The following SHISA9 variants were observed in gnomAD, a reference collection of about 807,000 sequenced individuals.
SHISA9 encodes shisa family member 9, also known as protein shisa-9.
Under a neutral mutation model 38.0 loss-of-function variants are expected in SHISA9, and 13 were observed. That is an observed-to-expected ratio of 0.34 (90% CI 0.22 to 0.54). SHISA9 has a LOEUF of 0.54. Ranked by LOEUF, SHISA9 falls within the 20% of genes least tolerant of loss-of-function variation. The pLI, the probability that SHISA9 is intolerant of heterozygous loss-of-function variation, is 0.91. For synonymous variants in SHISA9, 275 were observed against 242.0 expected (o/e 1.14, Z -1.27); for missense variants, 538 against 575.8 (o/e 0.93, Z 0.67).
Position 13,202,548 on chromosome 16 carries a change from C to T in SHISA9, c.692-846C>T, listed in dbSNP as rs561138077. 4.3e-5 allele frequency among the ~76,000 whole-genome samples: 6 copies of T among 139,956 alleles called. No homozygotes were observed. In the South Asian group the frequency reaches 1.3e-3, roughly 31 times the overall value. 91.8% of individuals were successfully genotyped at this position (139,956 alleles called of 152,430 possible). A position where few individuals can be genotyped will look rare whatever the true frequency, so the allele number is the denominator to read the frequency against. On this transcript the variant is annotated intron_variant, in intron 2 of 4. Transcript: ENST00000558583. ...ATATTACTTAACAAAAAATGCTATA[C>T]TATTTGCTTTCCTTTAAAGCTTCCT... is the stretch of plus-strand genomic sequence containing the variant.
At chr16:13,325,519 T>G in the SHISA9 span, among the ~76,000 whole-genome samples, 1 of 152,158 alleles carries the variant, frequency 6.6e-6, no homozygotes, top group Non-Finnish European at 1.5e-5. Context: ...AATATTATTT[T>G]GGGGTTAGAG....
chr16:13,367,653 C>T, the SHISA9 span, among the ~76,000 whole-genome samples: 11 of 143,422 alleles, frequency 7.7e-5, no homozygotes, highest in Non-Finnish European at 1.4e-4. Flanking sequence ...AAGTAGGATG[C>T]GGGGGGGAAT....
In SHISA9 at chr16:13,022,749, A is replaced by C. The variant is rs185218855; in HGVS notation, c.691+105934A>C. Reference sequence around the variant, plus strand: ...CCCGAGTAGCAGGGCCTACAGGTGCACACCACCACACCCAGCTAATTATTT... The same window carrying C: ...CCCGAGTAGCAGGGCCTACAGGTGCCCACCACCACACCCAGCTAATTATTT... On this transcript the variant is annotated intron_variant, in intron 2 of 4. Coordinates refer to ENST00000558583, the MANE Select transcript of SHISA9 (RefSeq NM_001145204.3). Among the ~76,000 whole-genome samples, 365 of 152,044 alleles carry C rather than the reference A, an allele frequency of 2.4e-3. 5 individuals are homozygous for C. Among genetic ancestry groups the C allele is most frequent in the Admixed American group, 0.019 (295 of 15,276 alleles).
At chr16:12,970,267 G>A (rs1478917901) in intron 2 of SHISA9, among the ~76,000 whole-genome samples, 2 of 140,758 alleles carry the variant, frequency 1.4e-5, no homozygotes, top group African/African-American at 5.3e-5. Context: ...TGGAAAAACT[G>A]GATTGCCATA....
At chr16:13,150,857 A>G (rs1414584096) in intron 2 of SHISA9, among the ~76,000 whole-genome samples, 1 of 152,214 alleles carries the variant, frequency 6.6e-6, no homozygotes, top group African/African-American at 2.4e-5. Flanking sequence ...TGCAATCAAA[A>G]CCACAATGTA....
intron 2 of SHISA9, among the ~76,000 whole-genome samples, chr16:12,968,514 A>G (rs2072011194): frequency 6.6e-6 from 1 of 152,228 alleles, no homozygotes; most frequent in South Asian, 2.1e-4. Context: ...AACAACTAAA[A>G]TATCCATCAA....
At chr16:13,005,312 A>G (rs908334498) in intron 2 of SHISA9, among the ~76,000 whole-genome samples, 1 of 152,148 alleles carries the variant, frequency 6.6e-6, no homozygotes, top group African/African-American at 2.4e-5. Flanking sequence ...GGAGGGTGAT[A>G]AGACAGAGGA....
intron 2 of SHISA9, among the ~76,000 whole-genome samples, chr16:13,073,081 A>G (rs1193038151): frequency 6.6e-6 from 1 of 152,234 alleles, no homozygotes; most frequent in South Asian, 2.1e-4. Flanking sequence ...GTGAGCTACA[A>G]TGCTCGTCCC....
the SHISA9 span, among the ~76,000 whole-genome samples, chr16:13,396,698 C>T: frequency 3.1e-3 from 466 of 152,260 alleles, 3 homozygotes; most frequent in Non-Finnish European, 5.6e-3. Context: ...GGCTTTTGCA[C>T]GTACTGGGAT....
At chr16:13,353,476 G>C in the SHISA9 span, among the ~76,000 whole-genome samples, 1 of 151,974 alleles carries the variant, frequency 6.6e-6, no homozygotes, top group African/African-American at 2.4e-5. Flanking sequence ...GTGATGGCTT[G>C]GAAAAATAGT....
At chr16:12,942,891 C>T (rs987482576) in intron 2 of SHISA9, among the ~76,000 whole-genome samples, 7 of 152,110 alleles carry the variant, frequency 4.6e-5, no homozygotes, top group African/African-American at 1.7e-4. Flanking sequence ...TTTAGGCACA[C>T]GTAGGTCTCA....
At chr16:13,402,861 G>C in the SHISA9 span, among the ~76,000 whole-genome samples, 1 of 152,224 alleles carries the variant, frequency 6.6e-6, no homozygotes, top group Non-Finnish European at 1.5e-5. Flanking sequence ...GCTCACGCCA[G>C]TCATTCCAGC....
chr16:13,173,244 G>C (rs116670219), intron 2 of SHISA9, among the ~76,000 whole-genome samples: 1 of 150,812 alleles, frequency 6.6e-6, no homozygotes, highest in African/African-American at 2.4e-5. Flanking sequence ...ACACCTTAGC[G>C]TTAACAATGC....
At chr16:12,985,253 A>G (rs1390414174) in intron 2 of SHISA9, among the ~76,000 whole-genome samples, 3 of 151,698 alleles carry the variant, frequency 2.0e-5, no homozygotes, top group African/African-American at 7.3e-5. Flanking sequence ...AAATAAATAA[A>G]TAAATAAATA....
At chr16:13,267,864 T>C in the SHISA9 span, among the ~76,000 whole-genome samples, 2 of 147,436 alleles carry the variant, frequency 1.4e-5, no homozygotes, top group Non-Finnish European at 3.0e-5. Flanking sequence ...GGTTCTTTTC[T>C]TGTTTCTCAG....
chr16:13,276,270 TTCC>T, the SHISA9 span, among the ~76,000 whole-genome samples: 87 of 151,916 alleles, frequency 5.7e-4, no homozygotes, highest in African/African-American at 2.0e-3. Flanking sequence ...CTGCATAGTA[TTCC>T]ATCATATATA....
chr16:13,100,782 A>G (rs529638602), intron 2 of SHISA9, among the ~76,000 whole-genome samples: 294 of 152,278 alleles, frequency 1.9e-3, no homozygotes, highest in Non-Finnish European at 3.5e-3. Flanking sequence ...ATCTTGGTTC[A>G]CTGCAACCTC....
chr16:13,009,550 C>T (rs766391395), intron 2 of SHISA9, among the ~76,000 whole-genome samples: 12 of 152,148 alleles, frequency 7.9e-5, no homozygotes, highest in East Asian at 1.9e-4. Flanking sequence ...GGCCAATAGC[C>T]GGAACCAGAA....
intron 2 of SHISA9, among the ~76,000 whole-genome samples, chr16:13,182,144 A>G (rs1345527349): frequency 1.3e-5 from 2 of 152,364 alleles, no homozygotes; most frequent in African/African-American, 4.8e-5. Flanking sequence ...GGTTTCACCT[A>G]AGTTGCCATA....
Sources: allele counts gnomAD v4.1 joint callset (sites outside exome capture counted in the v4.1 genomes callset), GRCh38; gene constraint gnomAD v4.1.1; transcripts MANE v1.5; gene names NCBI Gene and HGNC (gene_info 2026-07-23, HGNC 2026-07-21).